EXT2: variants seen among roughly 807,000 people sequenced by gnomAD.
EXT2 encodes exostosin-2.
EXT2 carries 53 observed loss-of-function variants against 81.6 expected under a neutral mutation model. The ratio of observed to expected loss-of-function variants is 0.65; its 90% CI spans 0.52 to 0.82. EXT2 has a LOEUF of 0.82. Ranked by LOEUF, EXT2 falls within the 40% of genes least tolerant of loss-of-function variation. The pLI, the probability that EXT2 is intolerant of heterozygous loss-of-function variation, is 0.00. For synonymous variants in EXT2, 320 were observed against 340.0 expected (o/e 0.94, Z 0.65); for missense variants, 774 against 910.2 (o/e 0.85, Z 1.93).
intron 9 of EXT2, among the ~76,000 whole-genome samples, chr11:44,201,360 A>G (rs745311311): frequency 1.1e-4 from 16 of 152,252 alleles, no homozygotes; most frequent in Admixed American, 1.3e-4. Flanking sequence ...TGAAGATGAT[A>G]GTGATATAAC....
chr11:44,189,450 C>T (rs2135166758), intron 8 of EXT2, among the ~76,000 whole-genome samples: 1 of 152,308 alleles, frequency 6.6e-6, no homozygotes, highest in East Asian at 1.9e-4. Flanking sequence ...TTAATTGGCT[C>T]TTGTTTCTGC....
chr11:44,219,723 A>T (rs1349421275), intron 10 of EXT2, among the ~76,000 whole-genome samples: 1 of 152,130 alleles, frequency 6.6e-6, no homozygotes, highest in Non-Finnish European at 1.5e-5. Context: ...CTTGCCATGG[A>T]TGGGTTCTAG....
intron 10 of EXT2, among the ~76,000 whole-genome samples, chr11:44,225,450 G>A (rs954354091): frequency 1.3e-5 from 2 of 152,134 alleles, no homozygotes; most frequent in African/African-American, 4.8e-5. Context: ...TTTTAGAAAT[G>A]AAGACTGATG....
At chr11:44,158,239 A>G (rs939894613) in intron 7 of EXT2, among the ~76,000 whole-genome samples, 1 of 152,168 alleles carries the variant, frequency 6.6e-6, no homozygotes, top group Non-Finnish European at 1.5e-5. Flanking sequence ...TGTAGGCCAC[A>G]TGCACCCCGA....
intron 3 of EXT2, among the ~76,000 whole-genome samples, chr11:44,113,056 A>C (rs1022201640): frequency 2.0e-5 from 3 of 152,148 alleles, no homozygotes. Flanking sequence ...GAAAAATAAG[A>C]CCGTATGTTG....
chr11:44,244,245 T>G lies in EXT2; in HGVS notation c.2115T>G (p.Phe705Leu). The change falls in exon 14 of 14, where the codon TTT (phenylalanine) becomes TTG (leucine). Residue 705 changes from phenylalanine (F) to leucine (L), a missense_variant. Transcript: ENST00000533608. The part of the protein sequence containing the change: ...RADPVLYKDD[F>L]PEKLKSFPNI... ...ACCCTGTCCTGTACAAAGATGACTTTCCTGAGAAGCTGAAGAGCTTCCCCA... is the reference window on the plus strand; with the variant it reads ...ACCCTGTCCTGTACAAAGATGACTTGCCTGAGAAGCTGAAGAGCTTCCCCA... The G allele has an allele frequency of 6.2e-7, 1 of 1,614,104 alleles. No individual in the cohort carries two copies. The highest frequency in any genetic ancestry group is 8.5e-7 in the Non-Finnish European group (1 of 1,179,992).
chr11:44,162,880 C>T (rs1240354009), intron 7 of EXT2, among the ~76,000 whole-genome samples: 3 of 151,948 alleles, frequency 2.0e-5, no homozygotes, highest in Admixed American at 6.6e-5. Flanking sequence ...GAAAAAAAGC[C>T]GTCTCATGTT....
At chr11:44,215,530 G>C (rs1263459971) in intron 10 of EXT2, among the ~76,000 whole-genome samples, 1 of 152,142 alleles carries the variant, frequency 6.6e-6, no homozygotes, top group African/African-American at 2.4e-5. Context: ...TTTGGTAAAT[G>C]TTCTGTGTGT....
At chr11:44,105,388 T>C (rs1467324145) in intron 1 of EXT2, among the ~76,000 whole-genome samples, 36 of 152,106 alleles carry the variant, frequency 2.4e-4, no homozygotes, top group Admixed American at 2.4e-3. Context: ...GCCTCCCAGG[T>C]TTAAGTGACT....
At chr11:44,144,472 A>C in intron 7 of EXT2, 2 of 771,950 alleles carry the variant, frequency 2.6e-6, no homozygotes, top group Non-Finnish European at 4.1e-6. Flanking sequence ...TGGCTCTTGG[A>C]GGTGCAAGCC....
chr11:44,148,600 G>A (rs1028779289), intron 7 of EXT2, among the ~76,000 whole-genome samples: 13 of 152,184 alleles, frequency 8.5e-5, no homozygotes, highest in Admixed American at 7.9e-4. Context: ...GGATAATTGG[G>A]TTGTGAGGAT....
intron 10 of EXT2, among the ~76,000 whole-genome samples, chr11:44,231,296 G>A (rs77504331): frequency 0.016 from 2,377 of 152,302 alleles, 34 homozygotes; most frequent in Non-Finnish European, 0.025. Flanking sequence ...TAAAGACTGA[G>A]TCTTAGCTTT....
chr11:44,100,452 G>A (rs1305769638), intron 1 of EXT2, among the ~76,000 whole-genome samples: 3 of 152,226 alleles, frequency 2.0e-5, no homozygotes, highest in Non-Finnish European at 2.9e-5. Context: ...TTTAGGATGA[G>A]ACTCAGGTGG....
chr11:44,236,209 A>T, intron 12 of EXT2, 84 bp from the exon 13 acceptor site: 1 of 1,217,560 alleles, frequency 8.2e-7, no homozygotes, highest in South Asian at 1.2e-5. Flanking sequence ...CTTACAACAC[A>T]AAAGAATGCA....
intron 10 of EXT2, among the ~76,000 whole-genome samples, chr11:44,219,776 C>G (rs186291847): frequency 1.1e-4 from 16 of 152,278 alleles, no homozygotes; most frequent in Non-Finnish European, 1.3e-4. Context: ...GAGAGAAACT[C>G]GGTTCTTACT....
At chr11:44,109,501 T>C (rs1224443703) in intron 3 of EXT2, among the ~76,000 whole-genome samples, 1 of 152,216 alleles carries the variant, frequency 6.6e-6, no homozygotes, top group African/African-American at 2.4e-5. Context: ...TAAAACTGTT[T>C]TCCCACTCTG....
chr11:44,197,066 C>T (rs1272286026), intron 8 of EXT2, among the ~76,000 whole-genome samples: 1 of 152,178 alleles, frequency 6.6e-6, no homozygotes, highest in Non-Finnish European at 1.5e-5. Flanking sequence ...GCCCACCATT[C>T]AGAATGTAGA....
At chr11:44,225,831 G>A (rs1428668220) in intron 10 of EXT2, among the ~76,000 whole-genome samples, 1 of 152,162 alleles carries the variant, frequency 6.6e-6, no homozygotes, top group Non-Finnish European at 1.5e-5. Context: ...ACTGGACCAA[G>A]TCACCTCTGC....
intron 3 of EXT2, among the ~76,000 whole-genome samples, chr11:44,112,127 A>C (rs535688630): frequency 6.6e-6 from 1 of 152,224 alleles, no homozygotes; most frequent in Non-Finnish European, 1.5e-5. Flanking sequence ...AAAGGAAAGC[A>C]AAGGACAAAC....
Sources: gnomAD v4.1 joint callset for allele counts (sites outside exome capture counted in the v4.1 genomes callset) on GRCh38, gnomAD v4.1.1 for gene constraint, MANE v1.5 for transcripts, NCBI Gene and HGNC (gene_info 2026-07-23, HGNC 2026-07-21) for gene names.